The following CEP72 variants were observed in gnomAD, a reference collection of about 807,000 sequenced individuals.
CEP72 encodes centrosomal protein of 72 kDa.
In CEP72, 78 loss-of-function variants were observed where a neutral mutation model predicts 65.7. The observed-to-expected ratio is 1.19, with a 90% confidence interval of 0.99 to 1.43. The LOEUF is 1.43. Among genes scored for constraint, CEP72 ranks in the 40% most tolerant of loss-of-function variants. CEP72 has a pLI of 0.00. For missense variants in CEP72, 914 were observed against 832.9 expected (o/e 1.10, Z -1.20); for synonymous variants, 358 against 351.7 (o/e 1.02, Z -0.20).
At position 633,893 on chromosome 5, in the gene CEP72, G is replaced by A. The variant is rs367971463; in HGVS notation, c.637G>A (p.Gly213Arg). The A allele has an allele frequency of 5.2e-5, 84 of 1,613,158 alleles. 1 individual carries two copies. The highest frequency in any genetic ancestry group is 1.3e-4 in the Admixed American group (8 of 60,010). The stretch of plus-strand genomic sequence containing the variant: ...CGAGTGGGACCTCGGCAGGCCTCCC[G>A]GGAGCACGAGCTTCAGCCAGAAGGG... Reference protein sequence around the residue: ...ECEWDLGRPPGSTSFSQKGRE... With the variant: ...ECEWDLGRPPRSTSFSQKGRE... Residue 213 changes from glycine to arginine, a missense_variant, in exon 5 of 12, where the codon GGG (glycine) becomes AGG (arginine). Gly to Arg is a moderately radical substitution (Grantham distance 125). Transcript: ENST00000264935.
At position 639,080 on chromosome 5, in the gene CEP72, C is replaced by G. The variant is rs762043723; in HGVS notation, c.1207-9C>G. On this transcript the variant is annotated splice_polypyrimidine_tract_variant and intron_variant, in intron 7 of 11. Transcript: ENST00000264935. ...ACTCGCTGGCCTCATGCTGTTGTTT[C>G]CATCACAGCCGTCTCCCGGGTCACA... is the stretch of plus-strand genomic sequence containing the variant. The G allele has an allele frequency of 1.9e-6, 3 of 1,613,258 alleles. No homozygotes were observed. Among genetic ancestry groups the G allele is most frequent in the Admixed American group, 3.3e-5 (2 of 60,014 alleles).
intron 8 of CEP72, among the ~76,000 whole-genome samples, chr5:639,846 C>G (rs990754553): frequency 6.6e-6 from 1 of 152,210 alleles, no homozygotes; most frequent in African/African-American, 2.4e-5. Flanking sequence ...TGCTTCTCCC[C>G]GCAGACCCTG....
rs1437015355 is a variant in CEP72 at position 637,799 on chromosome 5, G to T, written c.1187G>T (p.Gly396Val). Residue 396 changes from glycine to valine, a missense_variant, in exon 7 of 12, where the codon GGT becomes GTT. Physicochemically the swap from Gly to Val is moderately radical, Grantham distance 109. Transcript: ENST00000264935. Reference sequence around the variant, plus strand: ...GAGACTGAGGAGCAGAGGTCTCGGGGTGTGACCGACACCAGAGAGGTGAGA... The same window carrying T: ...GAGACTGAGGAGCAGAGGTCTCGGGTTGTGACCGACACCAGAGAGGTGAGA... ...ASETEEQRSR[G>V]VTDTREPSPG... The T allele has an allele frequency of 1.3e-6, 2 of 1,579,552 alleles. No individual in the cohort carries two copies. Among genetic ancestry groups the T allele is most frequent in the African/African-American group, 1.3e-5 (1 of 74,214 alleles).
the CEP72 span, among the ~76,000 whole-genome samples, chr5:674,025 C>G: frequency 6.6e-6 from 1 of 152,248 alleles, no homozygotes; most frequent in African/African-American, 2.4e-5. Flanking sequence ...TCACAGCCGG[C>G]ACTGCACTTG....
chr5:633,298 T>G (rs1398899080), intron 4 of CEP72, among the ~76,000 whole-genome samples: 2 of 115,052 alleles, frequency 1.7e-5, no homozygotes, highest in South Asian at 3.0e-4. Context: ...CTGGTGGGGT[T>G]CTGTTCAGTG....
chr5:643,643 G>A (rs1210070710), intron 9 of CEP72: 1 of 985,282 alleles, frequency 1.0e-6, no homozygotes, highest in Non-Finnish European at 1.2e-6. Context: ...GGATGTGCCT[G>A]CTGGTGCCTG....
intron 1 of CEP72, among the ~76,000 whole-genome samples, chr5:617,947 C>T (rs1299449881): frequency 6.6e-6 from 1 of 152,178 alleles, no homozygotes; most frequent in Non-Finnish European, 1.5e-5. Flanking sequence ...TCTAAACTGC[C>T]TTTTTGATTA....
intron 2 of CEP72, chr5:665,042 C>G: frequency 6.5e-7 from 1 of 1,548,864 alleles, no homozygotes; most frequent in Non-Finnish European, 8.7e-7. Context: ...TAATGAAGTG[C>G]GAGGTGACAG....
rs62001012 is a variant in CEP72, at chr5:633,919, G to A, written c.663G>A (p.Gly221=). 7.9e-5 allele frequency: 127 copies of A among 1,612,704 alleles called. No individual in the cohort carries two copies. In the South Asian group the frequency reaches 1.3e-3, roughly 16 times the overall value. Residue 221 remains glycine, a synonymous_variant, in exon 5 of 12, where the codon GGG becomes GGA. Coordinates refer to ENST00000264935, the MANE Select transcript of CEP72 (RefSeq NM_018140.4). ...PPGSTSFSQK[G]READSRGSQE... ...GGAGCACGAGCTTCAGCCAGAAGGG[G>A]CGTGAGGCCGACTCTCGTGGTTCCC...
Position 653,079 on chromosome 5 carries a change from T to C in CEP72, c.1870T>C (p.Tyr624His). 1.2e-6 allele frequency: 2 copies of C among 1,613,816 alleles called. No homozygotes were observed. Among genetic ancestry groups the C allele is most frequent in the Non-Finnish European group, 1.7e-6 (2 of 1,179,996 alleles). ...CGAGGTGGAGCAGATGCACTGGAGCTACCAGGAGCTCAAGAAGACCATGGC... is the reference window on the plus strand; with the variant it reads ...CGAGGTGGAGCAGATGCACTGGAGCCACCAGGAGCTCAAGAAGACCATGGC... ...RAEVEQMHWS[Y>H]QELKKTMALF... Residue 624 changes from tyrosine to histidine, a missense_variant, in exon 12 of 12, where the codon TAC becomes CAC. Transcript: ENST00000264935.
intron 4 of CEP72, among the ~76,000 whole-genome samples, chr5:633,386 G>GT (rs1554014107): frequency 8.8e-6 from 1 of 113,356 alleles, no homozygotes; most frequent in Non-Finnish European, 1.9e-5. Flanking sequence ...TCTGTCCAGT[G>GT]CTGGATTTGA....
intron 1 of CEP72, among the ~76,000 whole-genome samples, chr5:612,957 G>C (rs983831897): frequency 6.6e-6 from 1 of 152,228 alleles, no homozygotes; most frequent in Non-Finnish European, 1.5e-5. Context: ...AGGTTCTGTA[G>C]AGTGTGTGCT....
In CEP72 at chr5:647,898, T is replaced by A. The variant is rs755378133; in HGVS notation, c.1760T>A (p.Met587Lys). The A allele has an allele frequency of 6.2e-6, 10 of 1,611,896 alleles. No individual in the cohort carries two copies. The South Asian group carries it at 1.1e-4, about 18-fold the overall frequency. The change falls in exon 11 of 12, where the codon ATG becomes AAG. Residue 587 changes from methionine (M) to lysine (K), a missense_variant. Coordinates refer to ENST00000264935, the MANE Select transcript of CEP72 (RefSeq NM_018140.4). ...GACAAGATCCAGGAGCTCACGCAGA[T>A]GCTGCAGGAGAGCCACAGGTGCCTG... ...HYDKIQELTQ[M>K]LQESHSSLVS...
At chr5:670,921 C>T (rs1740198477), downstream of CEP72, among the ~76,000 whole-genome samples, 1 of 152,198 alleles carries the variant, frequency 6.6e-6, no homozygotes, top group African/African-American at 2.4e-5. Flanking sequence ...CTCCCCTCAT[C>T]TCAGGAAACC....
intron 11 of CEP72, among the ~76,000 whole-genome samples, chr5:649,660 T>C (rs1282327673): frequency 2.8e-3 from 142 of 50,288 alleles, no homozygotes; most frequent in Middle Eastern, 0.019. Context: ...GACTGTGAGG[T>C]GTGCCTGTGA....
downstream of CEP72, among the ~76,000 whole-genome samples, chr5:658,956 C>T (rs1739472368): frequency 6.6e-6 from 1 of 152,320 alleles, no homozygotes; most frequent in Non-Finnish European, 1.5e-5. Flanking sequence ...GTGTGAGCCA[C>T]CGCGCCCGGC....
intron 1 of CEP72, among the ~76,000 whole-genome samples, chr5:613,572 G>T (rs938121234): frequency 2.6e-5 from 4 of 152,256 alleles, no homozygotes; most frequent in African/African-American, 9.6e-5. Flanking sequence ...TCACCATGTT[G>T]GCCAGGCTGG....
chr5:637,547 C>T lies in CEP72; in HGVS notation c.935C>T (p.Ser312Phe). Residue 312 changes from serine to phenylalanine, a missense_variant, in exon 7 of 12, where the codon TCT becomes TTT. Coordinates refer to ENST00000264935, the MANE Select transcript of CEP72 (RefSeq NM_018140.4). ...DSMDTEDSAS[S>F]QKLDLSGEMV... ...ATGGATACCGAGGACTCGGCCTCTT[C>T]TCAGAAGTTGGATTTGTCAGGAGAA... 3 of 1,614,048 alleles carry T rather than the reference C, an allele frequency of 1.9e-6. No homozygotes were observed. Among genetic ancestry groups the T allele is most frequent in the Non-Finnish European group, 2.5e-6 (3 of 1,179,994 alleles).
At chr5:648,623 G>A (rs1486369947) in intron 11 of CEP72, among the ~76,000 whole-genome samples, 1 of 128,486 alleles carries the variant, frequency 7.8e-6, no homozygotes, top group Non-Finnish European at 1.6e-5. Flanking sequence ...GGCGTGGACT[G>A]TGAGGCGTGG....
Sources: allele counts gnomAD v4.1 joint callset (sites outside exome capture counted in the v4.1 genomes callset), GRCh38; gene constraint gnomAD v4.1.1; transcripts MANE v1.5; gene names NCBI Gene and HGNC (gene_info 2026-07-23, HGNC 2026-07-21).